The following KIAA1549L variants were observed in gnomAD, a reference collection of about 807,000 sequenced individuals.
KIAA1549L encodes the protein UPF0606 protein KIAA1549L.
Under a neutral mutation model 160.7 loss-of-function variants are expected in KIAA1549L, and 88 were observed. The ratio of observed to expected loss-of-function variants is 0.55; its 90% confidence interval spans 0.46 to 0.65. The LOEUF (loss-of-function observed/expected upper bound fraction) is 0.65. Ranked by LOEUF, KIAA1549L falls within the 30% of genes least tolerant of loss-of-function variation. The pLI is 0.00. For synonymous variants in KIAA1549L, 950 were observed against 976.7 expected, an observed-to-expected ratio of 0.97 and a Z score of 0.51; for missense variants, 2,258 against 2,437.5, an observed-to-expected ratio of 0.93 and a Z score of 1.55.
At chr11:33,556,657 T>C (rs1854657791) in intron 6 of KIAA1549L, among the ~76,000 whole-genome samples, 1 of 152,290 alleles carries the variant, frequency 6.6e-6, no homozygotes, top group Non-Finnish European at 1.5e-5. Flanking sequence ...GTCAAATTAA[T>C]AAGTGATTCC....
intron 1 of KIAA1549L, among the ~76,000 whole-genome samples, chr11:33,399,720 G>T (rs1374780729): frequency 6.6e-6 from 1 of 152,182 alleles, no homozygotes; most frequent in Non-Finnish European, 1.5e-5. Context: ...AGTCACCTGT[G>T]CCTACCTTGG....
intron 15 of KIAA1549L, among the ~76,000 whole-genome samples, chr11:33,614,580 ATATATTTTT>A: frequency 1.3e-4 from 1 of 7,696 alleles, no homozygotes; most frequent in South Asian, 6.3e-3. Context: ...ATATATATAT[ATATATTTTT>A]TTTTTTTTTT....
intron 12 of KIAA1549L, 149 bp downstream of exon 12, chr11:33,591,570 A>G (rs558644529): frequency 1.2e-5 from 8 of 660,410 alleles, no homozygotes; most frequent in South Asian, 2.3e-5. Context: ...ACTAAAGGAG[A>G]TGATGAGAAT....
chr11:33,626,022 T>G (rs1851102167), intron 16 of KIAA1549L, among the ~76,000 whole-genome samples: 1 of 150,650 alleles, frequency 6.6e-6, no homozygotes, highest in Non-Finnish European at 1.5e-5. Context: ...AGGGAATCCT[T>G]TCCCCGTTGC....
intron 11 of KIAA1549L, among the ~76,000 whole-genome samples, chr11:33,589,562 C>G (rs1362359427): frequency 6.6e-6 from 1 of 152,178 alleles, no homozygotes; most frequent in Non-Finnish European, 1.5e-5. Context: ...ACATATACAC[C>G]ATGGAATACT....
At chr11:33,487,378 A>C in intron 1 of KIAA1549L, among the ~76,000 whole-genome samples, 1 of 137,680 alleles carries the variant, frequency 7.3e-6, no homozygotes, top group Non-Finnish European at 1.6e-5. Flanking sequence ...TGAGCCCTGG[A>C]GGCAGGGACC....
chr11:33,413,476 CAG>C (rs1850824809), intron 1 of KIAA1549L, among the ~76,000 whole-genome samples: 2 of 150,276 alleles, frequency 1.3e-5, no homozygotes, highest in African/African-American at 4.9e-5. Flanking sequence ...TAACATTCTT[CAG>C]AGTGAGTGGC....
Position 33,667,851 on chromosome 11 carries a change from T to C in KIAA1549L, c.6160-22T>C. Reference sequence around the variant, plus strand: ...CCTTCCTCATGCCAGGCCCTGTCCTTCTCTCCCCACGCCCTCTGCAGGTGC... The same window carrying C: ...CCTTCCTCATGCCAGGCCCTGTCCTCCTCTCCCCACGCCCTCTGCAGGTGC... On this transcript the variant is annotated intron_variant, in intron 20 of 20. Transcript: ENST00000658780. 4 of 1,593,798 alleles carry C rather than the reference T, an allele frequency of 2.5e-6. No homozygotes were observed. In the South Asian group the frequency reaches 3.4e-5, roughly 14 times the overall value.
chr11:33,403,344 C>CAG (rs1491131023), intron 1 of KIAA1549L: 1 of 43,108 alleles, frequency 2.3e-5, no homozygotes, highest in Non-Finnish European at 5.7e-5. Flanking sequence ...CATGCAGACA[C>CAG]GCAGACAGAC....
Position 33,658,753 on chromosome 11 carries a change from C to T in KIAA1549L, c.5862C>T (p.Ser1954=). 10 of 1,572,724 alleles carry T rather than the reference C, an allele frequency of 6.4e-6. No individual in the cohort carries two copies. The highest frequency in any genetic ancestry group is 8.6e-6 in the Non-Finnish European group (10 of 1,159,840). The change falls in exon 19 of 21, where the codon TCC becomes TCT. Residue 1954 remains serine (S), a synonymous_variant. Transcript: ENST00000658780. ...GPVAVASLRR[S]TSDIGSKTRM... is the part of the protein sequence containing the mutation. ...GCAGTCCCTCTGCCCCATCTAGATC[C>T]ACCTCAGACATCGGCAGCAAGACCA...
At chr11:33,525,471 G>A (rs1014229446) in intron 1 of KIAA1549L, among the ~76,000 whole-genome samples, 6 of 152,128 alleles carry the variant, frequency 3.9e-5, no homozygotes, top group African/African-American at 1.4e-4. Context: ...TCTCACAGGA[G>A]TCCTTGGGGA....
At chr11:33,524,284 C>T (rs1295471652) in intron 1 of KIAA1549L, among the ~76,000 whole-genome samples, 2 of 152,010 alleles carry the variant, frequency 1.3e-5, no homozygotes, top group African/African-American at 2.4e-5. Context: ...TCTTCTTTAT[C>T]TGTAGTTGCC....
intron 1 of KIAA1549L, among the ~76,000 whole-genome samples, chr11:33,490,105 T>C (rs560827701): frequency 4.6e-5 from 7 of 152,258 alleles, no homozygotes; most frequent in African/African-American, 9.6e-5. Context: ...TCTGGAGTTA[T>C]TCTTCATAAC....
chr11:33,439,569 ATTT>A (rs34456047), intron 1 of KIAA1549L, among the ~76,000 whole-genome samples: 71 of 123,962 alleles, frequency 5.7e-4, no homozygotes, highest in East Asian at 2.3e-3. Flanking sequence ...TGCCCGGCTA[ATTT>A]TTTTTTTTTT....
chr11:33,626,060 A>G (rs1200912189), intron 16 of KIAA1549L, among the ~76,000 whole-genome samples: 3 of 150,640 alleles, frequency 2.0e-5, no homozygotes, highest in Admixed American at 6.6e-5. Context: ...GTCAAAGATC[A>G]GATAGTTGTA....
intron 9 of KIAA1549L, among the ~76,000 whole-genome samples, chr11:33,572,988 G>T (rs1346532802): frequency 1.3e-5 from 2 of 152,206 alleles, no homozygotes; most frequent in Non-Finnish European, 2.9e-5. Flanking sequence ...TAGCCGTGCT[G>T]GTGGGTATAG....
chr11:33,529,114 C>A (rs1453478181), intron 1 of KIAA1549L, among the ~76,000 whole-genome samples: 1 of 152,090 alleles, frequency 6.6e-6, no homozygotes, highest in Non-Finnish European at 1.5e-5. Flanking sequence ...GGCAGGCAGA[C>A]CACTTGAGCT....
intron 1 of KIAA1549L, among the ~76,000 whole-genome samples, chr11:33,535,255 C>T (rs1458466781): frequency 6.6e-6 from 1 of 152,146 alleles, no homozygotes; most frequent in Non-Finnish European, 1.5e-5. Flanking sequence ...ACCAGCTGGG[C>T]TTTCCCATTG....
intron 13 of KIAA1549L, among the ~76,000 whole-genome samples, chr11:33,603,609 C>A (rs572554348): frequency 1.3e-3 from 202 of 152,120 alleles, no homozygotes; most frequent in Middle Eastern, 3.4e-3. Flanking sequence ...GAGTTCGAGA[C>A]CAGCCTGGCC....
Sources: allele counts gnomAD v4.1 joint callset (sites outside exome capture counted in the v4.1 genomes callset), GRCh38; gene constraint gnomAD v4.1.1; transcripts MANE v1.5; gene names NCBI Gene and HGNC (gene_info 2026-07-23, HGNC 2026-07-21).